The following ZMAT4 variants were observed in gnomAD, a reference collection of about 807,000 sequenced individuals.
ZMAT4 encodes the protein zinc finger matrin-type protein 4.
ZMAT4 carries 17 observed loss-of-function variants against 28.7 expected under a neutral mutation model. That is an observed-to-expected ratio of 0.59 (90% CI 0.41 to 0.89). The LOEUF (loss-of-function observed/expected upper bound fraction) is 0.89, where lower values mean the gene tolerates loss of function less well. Ranked by LOEUF, ZMAT4 falls within the 40% of genes least tolerant of loss-of-function variation. The pLI, the probability that ZMAT4 is intolerant of heterozygous loss-of-function variation, is 0.00. For synonymous variants in ZMAT4, 117 were observed against 109.2 expected (o/e 1.07, Z -0.44); for missense variants, 240 against 283.8 (o/e 0.85, Z 1.11).
chr8:40,601,261 C>T (rs1805293936), intron 5 of ZMAT4, among the ~76,000 whole-genome samples: 1 of 151,652 alleles, frequency 6.6e-6, no homozygotes, highest in African/African-American at 2.4e-5. Flanking sequence ...TTTTTTTCCA[C>T]TTTAACAGAA....
chr8:40,543,636 A>T (rs762283810), intron 6 of ZMAT4, among the ~76,000 whole-genome samples: 1 of 152,202 alleles, frequency 6.6e-6, no homozygotes, highest in Non-Finnish European at 1.5e-5. Context: ...CAGTTCCCTA[A>T]TCTCTAAATT....
intron 6 of ZMAT4, among the ~76,000 whole-genome samples, chr8:40,580,863 C>G (rs1804441730): frequency 6.6e-6 from 1 of 151,936 alleles, no homozygotes; most frequent in African/African-American, 2.4e-5. Context: ...TTGGTACATC[C>G]TACAAATAAG....
At chr8:40,811,834 TA>T (rs986238167) in intron 2 of ZMAT4, among the ~76,000 whole-genome samples, 8 of 152,052 alleles carry the variant, frequency 5.3e-5, no homozygotes, top group Non-Finnish European at 1.2e-4. Flanking sequence ...AATAACATGT[TA>T]AAAATACATG....
At chr8:40,732,386 A>G (rs1811577876) in intron 3 of ZMAT4, among the ~76,000 whole-genome samples, 1 of 152,314 alleles carries the variant, frequency 6.6e-6, no homozygotes, top group South Asian at 2.1e-4. Context: ...CACACTTGGC[A>G]CCAGACAGAG....
At chr8:40,825,781 C>T in intron 1 of ZMAT4, 101 bp from the exon 2 acceptor site, 1 of 866,890 alleles carries the variant, frequency 1.2e-6, no homozygotes, top group Non-Finnish European at 1.8e-6. Flanking sequence ...ACAGGTCTGA[C>T]AATGGTGACA....
intron 3 of ZMAT4, among the ~76,000 whole-genome samples, chr8:40,697,868 A>G (rs1042134300): frequency 2.6e-5 from 4 of 152,180 alleles, no homozygotes; most frequent in African/African-American, 4.8e-5. Context: ...TTATCCAAAT[A>G]AAAACGGGGC....
intron 2 of ZMAT4, among the ~76,000 whole-genome samples, chr8:40,791,050 T>C (rs1025577368): frequency 6.6e-6 from 1 of 152,214 alleles, no homozygotes; most frequent in South Asian, 2.1e-4. Flanking sequence ...CTCTTTCCAA[T>C]AAAAGATGCT....
chr8:40,643,789 C>CAAAA (rs11416412), intron 5 of ZMAT4, among the ~76,000 whole-genome samples: 4 of 137,620 alleles, frequency 2.9e-5, no homozygotes, highest in Non-Finnish European at 4.6e-5. Flanking sequence ...TGTGTGTGTG[C>CAAAA]AAAAAAAAAA....
At chr8:40,601,640 G>GAAAGAAAGAGAAAGCAGGCAGGCAGGC (rs1805370385) in intron 5 of ZMAT4, among the ~76,000 whole-genome samples, 1 of 23,744 alleles carries the variant, frequency 4.2e-5, no homozygotes, top group Non-Finnish European at 1.1e-4. Context: ...GAAAGAGAAA[G>GAAAGAAAGAGAAAGCAGGCAGGCAGGC]AAAGAAAGAA....
chr8:40,849,737 C>T (rs1388097813), intron 1 of ZMAT4, among the ~76,000 whole-genome samples: 1 of 152,184 alleles, frequency 6.6e-6, no homozygotes, highest in Non-Finnish European at 1.5e-5. Flanking sequence ...GTGTCTCATT[C>T]ATGAGGATCT....
intron 3 of ZMAT4, among the ~76,000 whole-genome samples, chr8:40,754,308 T>C (rs1274437077): frequency 3.3e-5 from 5 of 152,202 alleles, no homozygotes; most frequent in Non-Finnish European, 5.9e-5. Context: ...CAAAGACCCA[T>C]GGCACTATCT....
intron 5 of ZMAT4, among the ~76,000 whole-genome samples, chr8:40,588,785 A>G (rs548477337): frequency 2.0e-5 from 3 of 152,298 alleles, no homozygotes; most frequent in African/African-American, 7.2e-5. Flanking sequence ...CTACTCCTAG[A>G]TATTTACCTA....
chr8:40,822,503 C>A (rs575265808), intron 2 of ZMAT4, among the ~76,000 whole-genome samples: 1 of 152,300 alleles, frequency 6.6e-6, no homozygotes, highest in South Asian at 2.1e-4. Flanking sequence ...TAAGTCACTG[C>A]AGCAGGGAAG....
intron 3 of ZMAT4, among the ~76,000 whole-genome samples, chr8:40,756,306 C>T (rs1298773886): frequency 1.3e-5 from 2 of 151,572 alleles, no homozygotes; most frequent in East Asian, 1.9e-4. Context: ...ACTGTAGGTG[C>T]TGGCAGCCCC....
intron 1 of ZMAT4, among the ~76,000 whole-genome samples, chr8:40,895,159 GA>G (rs1818826648): frequency 6.6e-6 from 1 of 152,112 alleles, no homozygotes; most frequent in African/African-American, 2.4e-5. Flanking sequence ...GGTTAAAAGA[GA>G]GAGAGATCCA....
intron 6 of ZMAT4, among the ~76,000 whole-genome samples, chr8:40,569,018 G>T (rs1337092156): frequency 6.6e-6 from 1 of 152,044 alleles, no homozygotes; most frequent in African/African-American, 2.4e-5. Flanking sequence ...ATTGCCCCTA[G>T]GGCCTGTTTT....
At chr8:40,532,981 C>CAA (rs201472129) in intron 6 of ZMAT4, among the ~76,000 whole-genome samples, 9 of 98,686 alleles carry the variant, frequency 9.1e-5, no homozygotes, top group African/African-American at 2.2e-4. Flanking sequence ...GACTCCATGT[C>CAA]AAAAAAAAAA....
intron 1 of ZMAT4, among the ~76,000 whole-genome samples, chr8:40,849,706 T>G (rs148382401): frequency 2.0e-5 from 3 of 152,312 alleles, no homozygotes; most frequent in Non-Finnish European, 2.9e-5. Flanking sequence ...ATCAACATGA[T>G]CTTTTATTAT....
chr8:40,546,395 T>G (rs1803203676), intron 6 of ZMAT4, among the ~76,000 whole-genome samples: 1 of 152,154 alleles, frequency 6.6e-6, no homozygotes, highest in South Asian at 2.1e-4. Flanking sequence ...TGAATGTGAC[T>G]GAGTGGGATT....
Sources: allele counts gnomAD v4.1 joint callset (sites outside exome capture counted in the v4.1 genomes callset), GRCh38; gene constraint gnomAD v4.1.1; transcripts MANE v1.5; gene names NCBI Gene and HGNC (gene_info 2026-07-23, HGNC 2026-07-21).